The following ARHGEF7 variants were observed in gnomAD, a reference collection of about 807,000 sequenced individuals.
ARHGEF7 encodes PAK-interacting exchange factor beta.
ARHGEF7 carries 33 observed loss-of-function variants against 109.8 expected under a neutral mutation model. That is an observed-to-expected ratio of 0.30 (90% CI 0.23 to 0.40). The LOEUF is 0.40. ARHGEF7 is among the 10% of genes least tolerant of loss of function. The pLI is 1.00. For missense variants in ARHGEF7, 938 were observed against 1,098.5 expected (o/e 0.85, Z 2.07); for synonymous variants, 458 against 424.6 (o/e 1.08, Z -0.97).
chr13:111,282,874 G>T (rs954937467), intron 15 of ARHGEF7: 1 of 558,394 alleles, frequency 1.8e-6, no homozygotes, highest in African/African-American at 1.9e-5. Flanking sequence ...GATGTCTTTT[G>T]AGTGCTGGGG....
chr13:111,165,993 G>A (rs2077093449), intron 2 of ARHGEF7, among the ~76,000 whole-genome samples: 1 of 152,170 alleles, frequency 6.6e-6, no homozygotes, highest in African/African-American at 2.4e-5. Flanking sequence ...GAAAGCCTCT[G>A]GCAGTTGGAG....
At chr13:111,149,852 A>G (rs1341556907) in intron 1 of ARHGEF7, among the ~76,000 whole-genome samples, 2 of 152,254 alleles carry the variant, frequency 1.3e-5, no homozygotes, top group African/African-American at 2.4e-5. Flanking sequence ...AAAGTCCTGA[A>G]AAAAGCATTA....
At chr13:111,265,454 G>A (rs1275431269) in intron 8 of ARHGEF7, 3 of 398,202 alleles carry the variant, frequency 7.5e-6, no homozygotes, top group Admixed American at 2.8e-5. Context: ...CTTGTGACTT[G>A]CTGATTCTCC....
At chr13:111,193,206 G>C (rs942000328) in intron 2 of ARHGEF7, among the ~76,000 whole-genome samples, 1 of 152,166 alleles carries the variant, frequency 6.6e-6, no homozygotes, top group Non-Finnish European at 1.5e-5. Context: ...TAACCACCCC[G>C]AGGGGAGACA....
rs946887744 is a variant in ARHGEF7 at position 111,261,882 on chromosome 13, A to T, written c.951-5666A>T. Among the ~76,000 whole-genome samples the T allele has an allele frequency of 3.3e-5, 5 of 152,218 alleles. No homozygotes were observed. The South Asian group carries it at 1.0e-3, about 31-fold the overall frequency. On this transcript the variant is annotated intron_variant, in intron 8 of 21. Coordinates refer to ENST00000646102, the MANE Select transcript of ARHGEF7 (RefSeq NM_001354046.2). ...TCCTGAATGACCAGTGGGTCAATGAAGAAATTAAGAAAATTTAAAAATTTC... is the reference window on the plus strand; with the variant it reads ...TCCTGAATGACCAGTGGGTCAATGATGAAATTAAGAAAATTTAAAAATTTC...
At chr13:111,226,862 T>C (rs1293441698) in intron 5 of ARHGEF7, among the ~76,000 whole-genome samples, 1 of 152,214 alleles carries the variant, frequency 6.6e-6, no homozygotes, top group Non-Finnish European at 1.5e-5. Context: ...TTTACCCCTT[T>C]AGATGCTGTT....
intron 11 of ARHGEF7, 112 bp downstream of exon 11, chr13:111,274,902 G>T (rs558344972): frequency 1.1e-3 from 803 of 701,008 alleles, no homozygotes; most frequent in Non-Finnish European, 1.6e-3. Flanking sequence ...GTGCTGACAT[G>T]AAAGAAAAAC....
At chr13:111,174,915 G>A (rs191761334) in intron 2 of ARHGEF7, among the ~76,000 whole-genome samples, 18 of 152,348 alleles carry the variant, frequency 1.2e-4, no homozygotes, top group South Asian at 1.0e-3. Flanking sequence ...GTGCTTGTGC[G>A]TGTCGGGTGA....
chr13:111,233,851 G>A (rs2086427697), intron 6 of ARHGEF7, among the ~76,000 whole-genome samples: 1 of 152,174 alleles, frequency 6.6e-6, no homozygotes, highest in African/African-American at 2.4e-5. Context: ...TACTAAATCT[G>A]TGTAGTCTAA....
At chr13:111,245,525 C>T (rs909923254) in intron 8 of ARHGEF7, among the ~76,000 whole-genome samples, 2 of 152,152 alleles carry the variant, frequency 1.3e-5, no homozygotes, top group Non-Finnish European at 2.9e-5. Context: ...GAACAGTCAA[C>T]GTTGAGTTCT....
chr13:111,259,244 G>C (rs930118969), intron 8 of ARHGEF7, among the ~76,000 whole-genome samples: 1 of 152,212 alleles, frequency 6.6e-6, no homozygotes, highest in African/African-American at 2.4e-5. Context: ...AACATAGGCA[G>C]TAGTTAGGAA....
chr13:111,243,406 A>G (rs1449537996), intron 6 of ARHGEF7, among the ~76,000 whole-genome samples: 3 of 152,156 alleles, frequency 2.0e-5, no homozygotes, highest in African/African-American at 7.2e-5. Context: ...CCACGCCCCC[A>G]TCCTACCCTT....
intron 1 of ARHGEF7, among the ~76,000 whole-genome samples, chr13:111,122,037 C>G (rs1048026538): frequency 6.6e-6 from 1 of 152,212 alleles, no homozygotes; most frequent in Admixed American, 6.5e-5. Flanking sequence ...CATCCAAATC[C>G]AGGAACACGG....
intron 1 of ARHGEF7, among the ~76,000 whole-genome samples, chr13:111,127,015 A>G (rs1003637929): frequency 6.6e-6 from 1 of 152,260 alleles, no homozygotes; most frequent in Non-Finnish European, 1.5e-5. Context: ...AATCAATAAC[A>G]TTGATAAACC....
chr13:111,173,126 C>T (rs2077755225), intron 2 of ARHGEF7, among the ~76,000 whole-genome samples: 1 of 152,146 alleles, frequency 6.6e-6, no homozygotes, highest in Non-Finnish European at 1.5e-5. Flanking sequence ...TCACTCTCAA[C>T]CCACACCTTT....
intron 5 of ARHGEF7, among the ~76,000 whole-genome samples, chr13:111,219,837 C>G (rs1367163198): frequency 6.6e-6 from 1 of 152,130 alleles, no homozygotes; most frequent in African/African-American, 2.4e-5. Flanking sequence ...AACTTCAGTT[C>G]TCCTCATAAC....
intron 5 of ARHGEF7, among the ~76,000 whole-genome samples, 199 bp from the exon 6 acceptor site, chr13:111,233,006 T>C (rs1227746288): frequency 6.6e-6 from 1 of 152,134 alleles, no homozygotes; most frequent in Non-Finnish European, 1.5e-5. Flanking sequence ...GGTGCTGTGA[T>C]TGGCCTTGGT....
At position 111,295,244 on chromosome 13, in the gene ARHGEF7, C is replaced by A. The variant is rs534807236; in HGVS notation, c.2311+2950C>A. 1.7e-5 allele frequency: 17 copies of A among 978,002 alleles called. No homozygotes were observed. The South Asian group carries it at 8.1e-4, about 46-fold the overall frequency. 60.6% of individuals were successfully genotyped at this position (978,002 alleles called of 1,614,324 possible). ...TGGGGGAGGGGAATAGCATAGTTTG[C>A]AGTGTAATATAATTTGGCTCTTCTA... On this transcript the variant is annotated intron_variant, in intron 19 of 21. Coordinates refer to ENST00000646102, the MANE Select transcript of ARHGEF7 (RefSeq NM_001354046.2).
chr13:111,299,115 G>T (rs2093495864), intron 19 of ARHGEF7, among the ~76,000 whole-genome samples: 2 of 152,126 alleles, frequency 1.3e-5, no homozygotes, highest in South Asian at 4.1e-4. Context: ...TTTCCCAGGG[G>T]TTCCATTCTG....
Sources: allele counts gnomAD v4.1 joint callset (sites outside exome capture counted in the v4.1 genomes callset), GRCh38; gene constraint gnomAD v4.1.1; transcripts MANE v1.5; gene names NCBI Gene and HGNC (gene_info 2026-07-23, HGNC 2026-07-21).